Variants in ANKRD12 observed in about 807,000 individuals in gnomAD.
The protein encoded by ANKRD12 is ankyrin repeat domain-containing protein 12.
ANKRD12 carries 85 observed loss-of-function variants against 183.4 expected under a neutral mutation model. The observed-to-expected ratio is 0.46, with a 90% CI of 0.39 to 0.56. The LOEUF (loss-of-function observed/expected upper bound fraction) is 0.56. ANKRD12 is among the 20% of genes least tolerant of loss of function. The pLI, the probability that ANKRD12 is intolerant of heterozygous loss-of-function variation, is 0.00. For synonymous variants in ANKRD12, 914 were observed against 800.2 expected (o/e 1.14, Z -2.40); for missense variants, 2,405 against 2,357.1 (o/e 1.02, Z -0.42).
At chr18:9,162,572 G>A (rs1295077872) in intron 1 of ANKRD12, among the ~76,000 whole-genome samples, 1 of 152,148 alleles carries the variant, frequency 6.6e-6, no homozygotes, top group African/African-American at 2.4e-5. Context: ...ACCTAGTAAT[G>A]AGATGGCTGG....
chr18:9,247,503 G>A (rs1479689644), intron 8 of ANKRD12, among the ~76,000 whole-genome samples: 1 of 151,836 alleles, frequency 6.6e-6, no homozygotes, highest in Non-Finnish European at 1.5e-5. Context: ...TAAATTATAG[G>A]GCTGCTTCTA....
At chr18:9,228,813 T>C (rs2036873545) in intron 8 of ANKRD12, among the ~76,000 whole-genome samples, 1 of 152,166 alleles carries the variant, frequency 6.6e-6, no homozygotes, top group Non-Finnish European at 1.5e-5. Flanking sequence ...TTTTATAGTT[T>C]GATAGCCCCA....
At chr18:9,151,275 A>T (rs536926997) in intron 1 of ANKRD12, among the ~76,000 whole-genome samples, 1 of 152,298 alleles carries the variant, frequency 6.6e-6, no homozygotes, top group South Asian at 2.1e-4. Flanking sequence ...CGGTTTAAGT[A>T]GGAATTACTT....
intron 1 of ANKRD12, 51 bp from the exon 2 acceptor site, chr18:9,182,331 T>TA (rs149819427): frequency 0.78 from 368,216 of 469,826 alleles, 145,694 homozygotes; most frequent in Middle Eastern, 0.87. Context: ...TTGTGGTGCG[T>TA]AACCTATTGT....
In ANKRD12 at chr18:9,275,637, C is replaced by T. The variant is rs762095690; in HGVS notation, c.5877C>T (p.Ala1959=). The change falls in exon 11 of 13, where the codon GCC becomes GCT. Residue 1959 remains alanine, a synonymous_variant. Coordinates refer to ENST00000262126, the MANE Select transcript of ANKRD12 (RefSeq NM_015208.5). Reference sequence around the variant, plus strand: ...GTGCTTGTACTGTTTTGCTGGATGCCGAAGTATACAATGTACCATTGGACT... The same window carrying T: ...GTGCTTGTACTGTTTTGCTGGATGCTGAAGTATACAATGTACCATTGGACT... ...PFSACTVLLD[A]EVYNVPLDSQ... 1.9e-5 allele frequency: 31 copies of T among 1,602,236 alleles called. No individual in the cohort carries two copies. Among genetic ancestry groups the T allele is most frequent in the East Asian group, 6.7e-5 (3 of 44,714 alleles).
rs182813390 is a variant in ANKRD12 at position 9,168,985 on chromosome 18, G to A, written c.-51-13397G>A. ...CCTTCGTTTCATTATTTACCCAGTA[G>A]TCATTCAGGAGCAGGTTGTTCAGTT... On this transcript the variant is annotated intron_variant, in intron 1 of 12. Transcript: ENST00000262126. 8.5e-5 allele frequency among the ~76,000 whole-genome samples: 13 copies of A among 152,246 alleles called. 1 individual carries two copies. In the East Asian group the frequency reaches 2.5e-3, roughly 29 times the overall value.
intron 8 of ANKRD12, among the ~76,000 whole-genome samples, chr18:9,242,780 A>G (rs2037737943): frequency 6.6e-6 from 1 of 152,134 alleles, no homozygotes; most frequent in Admixed American, 6.5e-5. Flanking sequence ...TTGCTTTTAG[A>G]CTTAAGATAT....
chr18:9,161,818 C>A (rs1433312690), intron 1 of ANKRD12, among the ~76,000 whole-genome samples: 1 of 151,516 alleles, frequency 6.6e-6, no homozygotes, highest in Non-Finnish European at 1.5e-5. Flanking sequence ...TTCATTATCT[C>A]TCATATATTT....
intron 1 of ANKRD12, among the ~76,000 whole-genome samples, chr18:9,147,393 G>C (rs886387062): frequency 6.6e-6 from 1 of 152,008 alleles, no homozygotes; most frequent in Non-Finnish European, 1.5e-5. Flanking sequence ...ATGTTGCAAA[G>C]ATTGGCTGCA....
Position 9,183,921 on chromosome 18 carries a change from G to A in ANKRD12, c.87+1402G>A, listed in dbSNP as rs60203496. Among the ~76,000 whole-genome samples, 1,495 of 151,890 alleles carry A rather than the reference G, an allele frequency of 9.8e-3. 30 individuals are homozygous for A. The highest frequency in any genetic ancestry group is 0.035 in the African/African-American group (1,432 of 41,394). ...CATTTTTGGTTTTAAATATTTTTCAGTGTACAATTTTAATTTCTCTAATTT... is the reference window on the plus strand; with the variant it reads ...CATTTTTGGTTTTAAATATTTTTCAATGTACAATTTTAATTTCTCTAATTT... On this transcript the variant is annotated intron_variant, in intron 2 of 12. Transcript: ENST00000262126.
intron 2 of ANKRD12, among the ~76,000 whole-genome samples, chr18:9,183,203 T>C (rs926371706): frequency 1.3e-5 from 2 of 152,234 alleles, no homozygotes; most frequent in African/African-American, 4.8e-5. Context: ...AACTGTATTC[T>C]TTTCAGAATC....
At chr18:9,205,106 T>C (rs1374260639) in intron 4 of ANKRD12, among the ~76,000 whole-genome samples, 1 of 152,216 alleles carries the variant, frequency 6.6e-6, no homozygotes, top group Non-Finnish European at 1.5e-5. Flanking sequence ...TACCACTGTG[T>C]TGCAACCTCT....
chr18:9,276,915 G>A (rs2039868763), intron 11 of ANKRD12, among the ~76,000 whole-genome samples: 1 of 152,136 alleles, frequency 6.6e-6, no homozygotes, highest in African/African-American at 2.4e-5. Flanking sequence ...AGAATGGATG[G>A]TTTTTAATAA....
intron 1 of ANKRD12, among the ~76,000 whole-genome samples, chr18:9,174,787 C>A (rs977570843): frequency 1.3e-5 from 2 of 152,276 alleles, no homozygotes; most frequent in Admixed American, 6.5e-5. Flanking sequence ...TGTTTCTAAT[C>A]GGCTATCTTG....
In ANKRD12 at chr18:9,254,967, TATC is replaced by T. The variant is rs1204897785; in HGVS notation, c.1702_1704del (p.Ser568del). On this transcript the variant is annotated inframe_deletion, in exon 9 of 13. Transcript: ENST00000262126. ...AAACAAGAACATACTAAAACATGTT[TATC>T]ACCAGGAAGTTCTGAAATGTCATTA... The T allele has an allele frequency of 2.5e-6, 4 of 1,607,702 alleles. No individual in the cohort carries two copies. Among genetic ancestry groups the T allele is most frequent in the African/African-American group, 1.3e-5 (1 of 74,610 alleles).
At chr18:9,152,237 A>G (rs1483604692) in intron 1 of ANKRD12, among the ~76,000 whole-genome samples, 1 of 152,200 alleles carries the variant, frequency 6.6e-6, no homozygotes, top group Non-Finnish European at 1.5e-5. Flanking sequence ...GGTGCCTGAA[A>G]TGAAAAAGAA....
At chr18:9,157,328 G>A (rs890448674) in intron 1 of ANKRD12, among the ~76,000 whole-genome samples, 8 of 151,866 alleles carry the variant, frequency 5.3e-5, no homozygotes, top group African/African-American at 1.5e-4. Context: ...CCCTGTCATC[G>A]TGTGGCTGAC....
intron 11 of ANKRD12, among the ~76,000 whole-genome samples, chr18:9,278,775 C>G (rs1465037592): frequency 2.0e-5 from 3 of 151,440 alleles, no homozygotes; most frequent in Non-Finnish European, 4.4e-5. Context: ...CAGAGAGAGA[C>G]TCCATCTCAA....
chr18:9,194,722 CA>C (rs1383597783), intron 2 of ANKRD12, among the ~76,000 whole-genome samples: 6 of 152,146 alleles, frequency 3.9e-5, no homozygotes, highest in Non-Finnish European at 5.9e-5. Flanking sequence ...TTAAAATTTA[CA>C]TATTCATTGG....
Sources: gnomAD v4.1 joint callset for allele counts (sites outside exome capture counted in the v4.1 genomes callset) on GRCh38, gnomAD v4.1.1 for gene constraint, MANE v1.5 for transcripts, NCBI Gene and HGNC (gene_info 2026-07-23, HGNC 2026-07-21) for gene names.